The following SYT14 variants were observed in gnomAD, a reference collection of about 807,000 sequenced individuals.
The protein encoded by SYT14 is synaptotagmin-14.
In SYT14, 32 loss-of-function variants were observed where a neutral mutation model predicts 74.2. The ratio of observed to expected loss-of-function variants is 0.43; its 90% CI spans 0.33 to 0.58. The LOEUF (loss-of-function observed/expected upper bound fraction) is 0.58. Ranked by LOEUF, SYT14 falls within the 20% of genes least tolerant of loss-of-function variation. The pLI is 0.05. For synonymous variants in SYT14, 298 were observed against 337.7 expected (o/e 0.88, Z 1.29); for missense variants, 791 against 981.8 (o/e 0.81, Z 2.60).
intron 7 of SYT14, among the ~76,000 whole-genome samples, chr1:210,131,432 C>T (rs2082671436): frequency 6.6e-6 from 1 of 151,876 alleles, no homozygotes; most frequent in African/African-American, 2.4e-5. Flanking sequence ...TTGTTAAAGT[C>T]TTAATTGCAC....
chr1:210,095,403 A>G (rs924648839), intron 6 of SYT14, among the ~76,000 whole-genome samples: 75 of 152,260 alleles, frequency 4.9e-4, no homozygotes, highest in African/African-American at 1.7e-3. Flanking sequence ...ACAGGTGTGC[A>G]CCACCACACC....
In SYT14 at chr1:209,950,563, A is replaced by C. The variant is rs115411358; in HGVS notation, c.-533-2146A>C. 7.9e-3 allele frequency among the ~76,000 whole-genome samples: 1,197 copies of C among 152,294 alleles called. 22 individuals are homozygous for C. Among genetic ancestry groups the C allele is most frequent in the African/African-American group, 0.027 (1,143 of 41,568 alleles). On this transcript the variant is annotated intron_variant, in intron 1 of 9. Transcript: ENST00000637265. ...TTTAAGTTAGGTGTTTCTTCTTGCA[A>C]AGCCTATCTTCCTGATAATCAGTGG...
intron 6 of SYT14, among the ~76,000 whole-genome samples, chr1:210,096,061 T>C (rs894945172): frequency 3.3e-5 from 5 of 152,192 alleles, no homozygotes; most frequent in African/African-American, 9.7e-5. Flanking sequence ...TGTAGTCTGC[T>C]CATTTAATTC....
At chr1:210,070,910 A>ATT (rs200981834) in intron 5 of SYT14, among the ~76,000 whole-genome samples, 53 of 116,228 alleles carry the variant, frequency 4.6e-4, no homozygotes, top group East Asian at 1.9e-3. Flanking sequence ...GTTGGGTATA[A>ATT]TTTTTTTTTT....
chr1:209,962,301 A>G lies in SYT14; in HGVS notation c.-486+9545A>G, dbSNP rs143315001. Among the ~76,000 whole-genome samples, 957 of 151,924 alleles carry G rather than the reference A, an allele frequency of 6.3e-3. 11 individuals are homozygous for G. The highest frequency in any genetic ancestry group is 0.022 in the African/African-American group (912 of 41,510). Reference sequence around the variant, plus strand: ...ATATATATAGCTCAGTGACTTCTAGACACTACTGTTAAGGGATATTCTTGA... The same window carrying G: ...ATATATATAGCTCAGTGACTTCTAGGCACTACTGTTAAGGGATATTCTTGA... On this transcript the variant is annotated intron_variant, in intron 2 of 9. Coordinates refer to ENST00000637265, the Ensembl canonical transcript of SYT14.
chr1:209,947,877 C>G (rs2078847618), intron 1 of SYT14, among the ~76,000 whole-genome samples: 1 of 152,190 alleles, frequency 6.6e-6, no homozygotes, highest in Non-Finnish European at 1.5e-5. Context: ...CTTCATCATC[C>G]ATTATCCTAA....
intron 7 of SYT14, among the ~76,000 whole-genome samples, chr1:210,109,754 A>G (rs2082226766): frequency 6.6e-6 from 1 of 152,036 alleles, no homozygotes; most frequent in African/African-American, 2.4e-5. Flanking sequence ...TTTGCCCAGC[A>G]TTCCCATTGC....
chr1:209,951,733 T>A (rs547608836), intron 1 of SYT14, among the ~76,000 whole-genome samples: 108 of 152,272 alleles, frequency 7.1e-4, no homozygotes, highest in African/African-American at 2.5e-3. Flanking sequence ...GAATTGAAAT[T>A]TATGCATATG....
At chr1:210,161,344 CCAGT>C (rs1208426051) in exon 10 of SYT14, 7 of 499,494 alleles carry the variant, frequency 1.4e-5, no homozygotes, top group African/African-American at 7.8e-5. Context: ...AGCAAAAGAG[CCAGT>C]CATTTTATGA....
chr1:210,034,368 T>C (rs1254761959), intron 5 of SYT14, among the ~76,000 whole-genome samples: 2 of 151,790 alleles, frequency 1.3e-5, no homozygotes, highest in Non-Finnish European at 3.0e-5. Context: ...TTATTGCTGC[T>C]TTATTTTTAT....
intron 7 of SYT14, among the ~76,000 whole-genome samples, chr1:210,137,681 CTTTTTT>C (rs397717067): frequency 4.4e-5 from 6 of 135,434 alleles, no homozygotes; most frequent in East Asian, 4.3e-4. Context: ...CTTCAAATTT[CTTTTTT>C]TTTTTTTTTT....
intron 5 of SYT14, among the ~76,000 whole-genome samples, chr1:210,091,623 A>G (rs2081869649): frequency 6.6e-6 from 1 of 152,136 alleles, no homozygotes; most frequent in African/African-American, 2.4e-5. Context: ...CTGGGAGGTC[A>G]AGACTGCAGT....
chr1:210,144,796 T>C (rs574288844), intron 7 of SYT14, among the ~76,000 whole-genome samples: 1 of 152,250 alleles, frequency 6.6e-6, no homozygotes, highest in Admixed American at 6.5e-5. Flanking sequence ...AAAGGGAACA[T>C]ATAACATAAT....
At chr1:210,082,985 T>G (rs1362160394) in intron 5 of SYT14, among the ~76,000 whole-genome samples, 1 of 152,054 alleles carries the variant, frequency 6.6e-6, no homozygotes, top group African/African-American at 2.4e-5. Context: ...TTTCTTTTTT[T>G]TTTTTCTTTT....
At chr1:210,100,903 A>G (rs1181017214) in intron 7 of SYT14, among the ~76,000 whole-genome samples, 4 of 152,148 alleles carry the variant, frequency 2.6e-5, no homozygotes, top group Non-Finnish European at 4.4e-5. Flanking sequence ...ACCGCTCCCT[A>G]GGTCCCGACT....
intron 5 of SYT14, among the ~76,000 whole-genome samples, chr1:210,055,712 G>A (rs1558157676): frequency 6.6e-6 from 1 of 151,286 alleles, no homozygotes; most frequent in Non-Finnish European, 1.5e-5. Context: ...GGCTAAGGCA[G>A]GAGGATCACT....
At chr1:210,074,722 T>C (rs1414705065) in intron 5 of SYT14, among the ~76,000 whole-genome samples, 1 of 152,074 alleles carries the variant, frequency 6.6e-6, no homozygotes, top group Non-Finnish European at 1.5e-5. Context: ...CGTGTGATGG[T>C]GGTGTGGATT....
intron 5 of SYT14, among the ~76,000 whole-genome samples, chr1:210,065,035 G>A (rs998460510): frequency 1.3e-5 from 2 of 152,024 alleles, no homozygotes; most frequent in Admixed American, 1.3e-4. Flanking sequence ...GGTGTTAGGC[G>A]TCTTTTCATG....
chr1:210,166,554 G>C (rs533842684), exon 10 of SYT14: 3 of 149,736 alleles, frequency 2.0e-5, no homozygotes, highest in Admixed American at 1.3e-4. Context: ...TGACACAGAA[G>C]ACCTTGTAGA....
Sources: allele counts gnomAD v4.1 joint callset (sites outside exome capture counted in the v4.1 genomes callset), GRCh38; gene constraint gnomAD v4.1.1; transcripts MANE v1.5; gene names NCBI Gene and HGNC (gene_info 2026-07-23, HGNC 2026-07-21).